Variants in TBC1D9 observed in about 807,000 individuals in gnomAD.
TBC1D9 encodes the protein TBC1 domain family member 9A.
In TBC1D9, 63 loss-of-function variants were observed where a neutral mutation model predicts 132.0. That is an observed-to-expected ratio of 0.48 (90% confidence interval 0.39 to 0.59). The LOEUF (loss-of-function observed/expected upper bound fraction) is 0.59. Among genes scored for constraint, TBC1D9 ranks in the 20% least tolerant of loss-of-function variants. TBC1D9 has a pLI of 0.00. For synonymous variants in TBC1D9, 610 were observed against 609.9 expected, an observed-to-expected ratio of 1.00 and a Z score of 0.00; for missense variants, 1,261 against 1,592.7, an observed-to-expected ratio of 0.79 and a Z score of 3.54.
intron 13 of TBC1D9, among the ~76,000 whole-genome samples, chr4:140,653,788 G>C (rs1007626712): frequency 3.3e-5 from 5 of 152,132 alleles, no homozygotes; most frequent in Non-Finnish European, 7.3e-5. Context: ...GGTAATATAG[G>C]CACTGATATA....
Position 140,624,109 on chromosome 4 carries a change from C to G in TBC1D9, c.3078+7G>C. On this transcript the variant is annotated splice_region_variant and intron_variant, in intron 20 of 20. Transcript: ENST00000442267. ...TGAAGCGAATGATTTGAACTTTAAG[C>G]ACTTACCTGATTTAATTTGGGTAAA... The G allele has an allele frequency of 2.5e-6, 4 of 1,593,258 alleles. No homozygotes were observed. Among genetic ancestry groups the G allele is most frequent in the Non-Finnish European group, 3.4e-6 (4 of 1,166,962 alleles).
intron 1 of TBC1D9, among the ~76,000 whole-genome samples, chr4:140,709,538 AT>A (rs915423307): frequency 4.6e-5 from 7 of 151,928 alleles, no homozygotes; most frequent in Admixed American, 1.3e-4. Flanking sequence ...CAAGCTTCCA[AT>A]TTTTTGATTA....
intron 13 of TBC1D9, among the ~76,000 whole-genome samples, chr4:140,646,605 C>T (rs1737106782): frequency 6.6e-6 from 1 of 152,054 alleles, no homozygotes; most frequent in Non-Finnish European, 1.5e-5. Flanking sequence ...TTGGAGTTTA[C>T]AGCAAAAAAG....
chr4:140,755,898 A>C lies in TBC1D9; in HGVS notation c.130+18T>G. ...CGCTCCCGGCTCCCCTCCTGCAGGG[A>C]TCGGCCACGGTCCTTACCCGCCAGT... is the stretch of plus-strand genomic sequence containing the variant. On this transcript the variant is annotated intron_variant, in intron 1 of 20. Coordinates refer to ENST00000442267, the MANE Select transcript of TBC1D9 (RefSeq NM_015130.3). The C allele has an allele frequency of 6.5e-7, 1 of 1,530,532 alleles. No individual in the cohort carries two copies. Among genetic ancestry groups the C allele is most frequent in the Non-Finnish European group, 8.8e-7 (1 of 1,142,268 alleles). 94.8% of individuals were successfully genotyped at this position (1,530,532 alleles called of 1,614,324 possible). A position where few individuals can be genotyped will look rare whatever the true frequency, so the allele number is the denominator to read the frequency against.
At chr4:140,632,341 A>G (rs1012939615) in intron 16 of TBC1D9, among the ~76,000 whole-genome samples, 5 of 151,700 alleles carry the variant, frequency 3.3e-5, no homozygotes, top group African/African-American at 1.2e-4. Context: ...GAAGATTAGC[A>G]TAGCGTCAAA....
chr4:140,731,901 T>C lies in TBC1D9; in HGVS notation c.130+24015A>G, dbSNP rs560936443. Among the ~76,000 whole-genome samples the C allele has an allele frequency of 3.9e-5, 6 of 152,342 alleles. No homozygotes were observed. In the South Asian group the frequency reaches 1.2e-3, roughly 32 times the overall value. ...AAGAAAATGTGCCTTAACTGGTATA[T>C]TGGTGTTCCATCTGAGTGATGTGCA... On this transcript the variant is annotated intron_variant, in intron 1 of 20. Coordinates refer to ENST00000442267, the MANE Select transcript of TBC1D9 (RefSeq NM_015130.3).
chr4:140,731,357 C>T (rs1481959156), intron 1 of TBC1D9, among the ~76,000 whole-genome samples: 3 of 152,094 alleles, frequency 2.0e-5, no homozygotes, highest in South Asian at 4.1e-4. Flanking sequence ...TGTGGAGTCT[C>T]ACTGCCCAAA....
chr4:140,714,834 A>G (rs1455644278), intron 1 of TBC1D9, among the ~76,000 whole-genome samples: 1 of 152,172 alleles, frequency 6.6e-6, no homozygotes, highest in Non-Finnish European at 1.5e-5. Flanking sequence ...TGCTACAAAG[A>G]GTCTGTTTTG....
intron 1 of TBC1D9, among the ~76,000 whole-genome samples, chr4:140,721,259 C>A (rs1738419578): frequency 6.6e-6 from 1 of 152,168 alleles, no homozygotes; most frequent in Non-Finnish European, 1.5e-5. Flanking sequence ...TTTCAATTAA[C>A]CCTTGAAACA....
chr4:140,652,160 G>A (rs1737196296), intron 13 of TBC1D9, among the ~76,000 whole-genome samples: 1 of 151,304 alleles, frequency 6.6e-6, no homozygotes, highest in African/African-American at 2.4e-5. Context: ...AGAATCACAT[G>A]AACCCCGGAG....
chr4:140,622,974 A>G (rs1393120206), intron 20 of TBC1D9, 57 bp from the exon 21 acceptor site: 3 of 1,452,880 alleles, frequency 2.1e-6, no homozygotes, highest in Non-Finnish European at 2.7e-6. Flanking sequence ...GAAAGGCAGC[A>G]CTGAAGTGGA....
At chr4:140,633,415 G>A (rs71606899) in intron 16 of TBC1D9, among the ~76,000 whole-genome samples, 21 of 152,196 alleles carry the variant, frequency 1.4e-4, no homozygotes, top group Non-Finnish European at 2.6e-4. Flanking sequence ...ATGCTGTGGT[G>A]AGGTGTGGGG....
At position 140,628,366 on chromosome 4, in the gene TBC1D9, C is replaced by T; in HGVS notation, c.2747-1G>A. 6.2e-7 allele frequency: 1 copy of T among 1,613,662 alleles called. No individual in the cohort carries two copies. Among genetic ancestry groups the T allele is most frequent in the Non-Finnish European group, 8.5e-7 (1 of 1,179,588 alleles). ...GTGAGGTCCCCATGGCATGCAGCAC[C>T]TAGAAGTCACATAAGTACCAATGTG... On this transcript the variant is annotated splice_acceptor_variant, in intron 16 of 20. Coordinates refer to ENST00000442267, the MANE Select transcript of TBC1D9 (RefSeq NM_015130.3). LOFTEE classifies it high-confidence loss of function.
At chr4:140,751,608 A>G (rs1738924816) in intron 1 of TBC1D9, among the ~76,000 whole-genome samples, 1 of 152,246 alleles carries the variant, frequency 6.6e-6, no homozygotes, top group Admixed American at 6.5e-5. Context: ...ACAGGACTTA[A>G]GGAATTTTAA....
chr4:140,754,376 G>A (rs1738971087), intron 1 of TBC1D9, among the ~76,000 whole-genome samples: 1 of 152,066 alleles, frequency 6.6e-6, no homozygotes, highest in Non-Finnish European at 1.5e-5. Context: ...CACTTCGGGA[G>A]GCCAAAGTGG....
rs766300047 is a variant in TBC1D9, at chr4:140,671,712, G to GTGTGTGTGTA, written c.1060-787_1060-786insTACACACACA. The stretch of plus-strand genomic sequence containing the variant: ...TGTGTGTGTGTGTGTGTGTGTGTGT[G>GTGTGTGTGTA]TGTGCCGAAGCCTACCACATTGGGG... On this transcript the variant is annotated intron_variant, in intron 6 of 20. Coordinates refer to ENST00000442267, the MANE Select transcript of TBC1D9 (RefSeq NM_015130.3). 2.0e-3 allele frequency among the ~76,000 whole-genome samples: 296 copies of GTGTGTGTGTA among 147,780 alleles called. 2 individuals are homozygous for GTGTGTGTGTA. Among genetic ancestry groups the GTGTGTGTGTA allele is most frequent in the African/African-American group, 7.0e-3 (282 of 40,106 alleles).
intron 2 of TBC1D9, among the ~76,000 whole-genome samples, chr4:140,691,531 G>A (rs1560887244): frequency 6.6e-6 from 1 of 152,134 alleles, no homozygotes; most frequent in African/African-American, 2.4e-5. Flanking sequence ...CTTGGCTGTT[G>A]ATTTTCTGGA....
intron 18 of TBC1D9, among the ~76,000 whole-genome samples, chr4:140,624,871 G>C (rs553323080): frequency 5.3e-5 from 8 of 152,146 alleles, no homozygotes; most frequent in Non-Finnish European, 8.8e-5. Flanking sequence ...GGTCAACATG[G>C]TGAAACCCTG....
At chr4:140,720,308 CAT>C (rs1309595165) in intron 1 of TBC1D9, among the ~76,000 whole-genome samples, 4 of 152,130 alleles carry the variant, frequency 2.6e-5, no homozygotes, top group African/African-American at 9.7e-5. Flanking sequence ...TCAGGAGTCA[CAT>C]GTGTTGTTGT....
Sources: gnomAD v4.1 joint callset for allele counts (sites outside exome capture counted in the v4.1 genomes callset) on GRCh38, gnomAD v4.1.1 for gene constraint, MANE v1.5 for transcripts, NCBI Gene and HGNC (gene_info 2026-07-23, HGNC 2026-07-21) for gene names.